SNAPC1: variants seen among roughly 807,000 people sequenced by gnomAD.
The protein encoded by SNAPC1 is small nuclear RNA activating complex polypeptide 1.
In SNAPC1, 42 loss-of-function variants were observed where a neutral mutation model predicts 50.1. That is an observed-to-expected ratio of 0.84 (90% confidence interval 0.65 to 1.08). The LOEUF is 1.08. SNAPC1 is among the 50% of genes least tolerant of loss of function. The pLI is 0.00. For missense variants in SNAPC1, 477 were observed against 427.3 expected, an observed-to-expected ratio of 1.12 and a Z score of -1.02; for synonymous variants, 164 against 144.2, an observed-to-expected ratio of 1.14 and a Z score of -0.98.
intron 8 of SNAPC1, among the ~76,000 whole-genome samples, chr14:61,791,977 G>C (rs1470873223): frequency 6.6e-6 from 1 of 151,798 alleles, no homozygotes; most frequent in Non-Finnish European, 1.5e-5. Context: ...ACATCTTTCT[G>C]TTCTCAGTGT....
chr14:61,786,132 T>G (rs1050065151), intron 8 of SNAPC1, among the ~76,000 whole-genome samples: 4 of 151,834 alleles, frequency 2.6e-5, no homozygotes, highest in Non-Finnish European at 4.4e-5. Context: ...CCTTATCTTA[T>G]CCAAAAAAAA....
rs547318581 is a variant in SNAPC1, at chr14:61,766,848, C to A, written c.129-28C>A. On this transcript the variant is annotated intron_variant, in intron 1 of 9. Transcript: ENST00000216294. ...TTCATTACTTATTCACTTAATGAGTCGTAATATATTTTCTCTCTGTTTATT... is the reference window on the plus strand; with the variant it reads ...TTCATTACTTATTCACTTAATGAGTAGTAATATATTTTCTCTCTGTTTATT... 8.3e-6 allele frequency: 12 copies of A among 1,437,880 alleles called. No homozygotes were observed. In the African/African-American group the frequency reaches 1.7e-4, roughly 20 times the overall value. The allele number at this position is 1,437,880 out of a possible 1,614,324, so 89.1% of individuals were successfully genotyped here. A position where few individuals can be genotyped will look rare whatever the true frequency, so the allele number is the denominator to read the frequency against.
chr14:61,768,693 G>T lies in SNAPC1; in HGVS notation c.487G>T (p.Asp163Tyr). The T allele has an allele frequency of 6.2e-7, 1 of 1,612,276 alleles. No homozygotes were observed. Residue 163 changes from aspartate to tyrosine, a missense_variant, in exon 4 of 10, where the codon GAC becomes TAC. Coordinates refer to ENST00000216294, the MANE Select transcript of SNAPC1 (RefSeq NM_003082.4). The stretch of plus-strand genomic sequence containing the variant: ...AGCTGAAGTTACAGAAGAATTTAAG[G>T]ACCCAAGTGATCGTGTGATGAAACT... The part of the protein sequence containing the change: ...HRAEVTEEFK[D>Y]PSDRVMKLIT...
In SNAPC1 at chr14:61,762,420, A is replaced by AGAGGCGTGCGGGGTTCG; in HGVS notation, c.-29_-28insGTTCGGAGGCGTGCGGG. On this transcript the variant is annotated 5_prime_UTR_variant, in exon 1 of 10. Coordinates refer to ENST00000216294, the MANE Select transcript of SNAPC1 (RefSeq NM_003082.4). ...GGCGACCACCGCTGGCTAGTCCGTT[A>AGAGGCGTGCGGGGTTCG]GAGGCGTGCGGGCTTCGGAGGCGTG... is the stretch of plus-strand genomic sequence containing the variant. The AGAGGCGTGCGGGGTTCG allele has an allele frequency of 7.2e-7, 1 of 1,387,534 alleles. No homozygotes were observed. Among genetic ancestry groups the AGAGGCGTGCGGGGTTCG allele is most frequent in the Non-Finnish European group, 9.8e-7 (1 of 1,015,942 alleles). 86.0% of individuals were successfully genotyped at this position (1,387,534 alleles called of 1,614,324 possible).
Position 61,762,521 on chromosome 14 carries a change from A to G in SNAPC1, c.61A>G (p.Thr21Ala), listed in dbSNP as rs751139804. 8 of 1,446,118 alleles carry G rather than the reference A, an allele frequency of 5.5e-6. No individual in the cohort carries two copies. The African/African-American group carries it at 8.2e-5, about 15-fold the overall frequency. The allele number at this position is 1,446,118 out of a possible 1,614,324, so 89.6% of individuals were successfully genotyped here. A position where few individuals can be genotyped will look rare whatever the true frequency, so the allele number is the denominator to read the frequency against. Residue 21 changes from threonine to alanine, a missense_variant, in exon 1 of 10, where the codon ACG (threonine) becomes GCG (alanine). Transcript: ENST00000216294. ...GGCGCTGCTCAGCCGCTTCCAGGAG[A>G]CGGACAGTGTACGCTTCGAGGACTT... is the stretch of plus-strand genomic sequence containing the variant. ...CEALLSRFQE[T>A]DSVRFEDFTE...
intron 4 of SNAPC1, among the ~76,000 whole-genome samples, chr14:61,774,419 T>G (rs2045018489): frequency 6.6e-6 from 1 of 152,194 alleles, no homozygotes; most frequent in African/African-American, 2.4e-5. Flanking sequence ...ATGAACATGA[T>G]TCTTAGGTTG....
chr14:61,763,833 T>TA (rs565141391), intron 1 of SNAPC1, among the ~76,000 whole-genome samples: 309 of 152,264 alleles, frequency 2.0e-3, no homozygotes, highest in Non-Finnish European at 3.7e-3. Flanking sequence ...TGAGTTTCCA[T>TA]ATCTGTAAAA....
rs1594646852 is a variant in SNAPC1, at chr14:61,776,223, G to A, written c.663G>A (p.Leu221=). 1 of 1,612,716 alleles carries A rather than the reference G, an allele frequency of 6.2e-7. No homozygotes were observed. Among genetic ancestry groups the A allele is most frequent in the South Asian group, 1.1e-5 (1 of 90,766 alleles). ...DFFDNIKNIV[L]EHQQWHKDRK... is the part of the protein sequence containing the mutation. ...TTGACAATATTAAGAACATAGTTTTGGAGCATCAGCAGTGGCACAAAGACA... is the reference window on the plus strand; with the variant it reads ...TTGACAATATTAAGAACATAGTTTTAGAGCATCAGCAGTGGCACAAAGACA... Residue 221 remains leucine, a synonymous_variant, in exon 5 of 10, where the codon TTG becomes TTA. Coordinates refer to ENST00000216294, the MANE Select transcript of SNAPC1 (RefSeq NM_003082.4).
chr14:61,772,819 T>C (rs2045002921), intron 4 of SNAPC1, among the ~76,000 whole-genome samples: 1 of 152,232 alleles, frequency 6.6e-6, no homozygotes. Context: ...GGTCTACTCT[T>C]TTAGAGTGAA....
chr14:61,763,463 T>C (rs370936427), intron 1 of SNAPC1, among the ~76,000 whole-genome samples: 6 of 146,962 alleles, frequency 4.1e-5, no homozygotes, highest in African/African-American at 1.5e-4. Context: ...CTCCATGCAC[T>C]CACTTTCTTG....
intron 1 of SNAPC1, among the ~76,000 whole-genome samples, chr14:61,766,348 C>G (rs1012033745): frequency 3.9e-5 from 6 of 152,176 alleles, no homozygotes. Flanking sequence ...CCGTTCCAGC[C>G]AATAGAAACC....
intron 1 of SNAPC1, among the ~76,000 whole-genome samples, chr14:61,766,050 A>T (rs1443956729): frequency 6.6e-6 from 1 of 152,268 alleles, no homozygotes; most frequent in Non-Finnish European, 1.5e-5. Context: ...CCATCTAATT[A>T]AGACTAAATA....
intron 3 of SNAPC1, 92 bp from the exon 4 acceptor site, chr14:61,768,544 A>T (rs1454427282): frequency 8.8e-6 from 6 of 682,922 alleles, no homozygotes; most frequent in Non-Finnish European, 1.5e-5. Context: ...GTGTTTACTT[A>T]TAGACAATTT....
Position 61,767,203 on chromosome 14 carries a change from T to C in SNAPC1, c.289-9T>C. On this transcript the variant is annotated splice_polypyrimidine_tract_variant and intron_variant, in intron 2 of 9. Coordinates refer to ENST00000216294, the MANE Select transcript of SNAPC1 (RefSeq NM_003082.4). ...ATTTAGTACAACTTTTTTTTCTTCC[T>C]GGTTGCAGATCAGAGTTGCCCTGAA... 1 of 1,431,662 alleles carries C rather than the reference T, an allele frequency of 7.0e-7. No individual in the cohort carries two copies. Among genetic ancestry groups the C allele is most frequent in the Admixed American group, 2.6e-5 (1 of 38,514 alleles). The allele number at this position is 1,431,662 out of a possible 1,614,324, so 88.7% of individuals were successfully genotyped here. A position where few individuals can be genotyped will look rare whatever the true frequency, so the allele number is the denominator to read the frequency against.
chr14:61,765,153 T>A (rs549818776), intron 1 of SNAPC1, among the ~76,000 whole-genome samples: 1 of 152,352 alleles, frequency 6.6e-6, no homozygotes, highest in African/African-American at 2.4e-5. Context: ...TTATCCAAAG[T>A]GGTAAGAAGA....
At position 61,776,120 on chromosome 14, in the gene SNAPC1, A is replaced by G; in HGVS notation, c.560A>G (p.Tyr187Cys). The G allele has an allele frequency of 6.2e-7, 1 of 1,600,952 alleles. No individual in the cohort carries two copies. The highest frequency in any genetic ancestry group is 8.5e-7 in the Non-Finnish European group (1 of 1,177,228). ...GAAATGCTGAATGTTCATGATCATT[A>G]TCAGAACATGAAACATGTAATTTCA... ...LEEMLNVHDH[Y>C]QNMKHVISVD... Residue 187 changes from tyrosine (Y) to cysteine (C), a missense_variant, in exon 5 of 10, where the codon TAT (tyrosine) becomes TGT (cysteine). Tyr to Cys is a radical substitution (Grantham distance 194). Coordinates refer to ENST00000216294, the MANE Select transcript of SNAPC1 (RefSeq NM_003082.4).
chr14:61,771,061 G>A (rs1427847314), intron 4 of SNAPC1, among the ~76,000 whole-genome samples: 3 of 152,034 alleles, frequency 2.0e-5, no homozygotes. Context: ...ACATTTTTAG[G>A]GTGAGGTACT....
intron 7 of SNAPC1, among the ~76,000 whole-genome samples, chr14:61,779,704 G>GT (rs2045058077): frequency 1.3e-5 from 1 of 76,536 alleles, no homozygotes; most frequent in Non-Finnish European, 2.5e-5. Context: ...CTTTCACTTT[G>GT]TTGGTTTTTT....
chr14:61,794,403 T>TG (rs1566595181), intron 9 of SNAPC1, among the ~76,000 whole-genome samples: 1 of 152,070 alleles, frequency 6.6e-6, no homozygotes, highest in East Asian at 1.9e-4. Context: ...TATGTGTTTT[T>TG]TTTGTTTGTT....
Sources: gnomAD v4.1 joint callset for allele counts (sites outside exome capture counted in the v4.1 genomes callset) on GRCh38, gnomAD v4.1.1 for gene constraint, MANE v1.5 for transcripts, NCBI Gene and HGNC (gene_info 2026-07-23, HGNC 2026-07-21) for gene names.